SLC3A1: variants seen among roughly 807,000 people sequenced by gnomAD.
The protein encoded by SLC3A1 is solute carrier family 3 member 1.
A neutral mutation model predicts 60.3 loss-of-function variants in SLC3A1; 78 were observed. That is an observed-to-expected ratio of 1.29 (90% CI 1.08 to 1.56). The LOEUF is 1.56. Ranked by LOEUF, SLC3A1 falls within the 40% of genes most tolerant of loss-of-function variation. The probability of loss-of-function intolerance (pLI) is 0.00; values close to 1 mark genes in which losing one functional copy is unlikely to be tolerated. For synonymous variants in SLC3A1, 392 were observed against 307.9 expected (o/e 1.27, Z -2.86); for missense variants, 1,172 against 858.9 (o/e 1.36, Z -4.56).
At chr2:44,311,109 CT>C (rs1018214285) in intron 7 of SLC3A1, among the ~76,000 whole-genome samples, 3 of 152,112 alleles carry the variant, frequency 2.0e-5, no homozygotes, top group African/African-American at 7.2e-5. Flanking sequence ...TCTTCTTTTT[CT>C]TTCTGGTTCT....
chr2:44,308,855 C>T (rs562926856), intron 7 of SLC3A1, among the ~76,000 whole-genome samples: 1 of 152,080 alleles, frequency 6.6e-6, no homozygotes, highest in East Asian at 1.9e-4. Flanking sequence ...GTATCAGCCT[C>T]CCAAATAGCT....
At chr2:44,297,465 G>A (rs2104358438) in intron 4 of SLC3A1, among the ~76,000 whole-genome samples, 1 of 152,270 alleles carries the variant, frequency 6.6e-6, no homozygotes, top group Non-Finnish European at 1.5e-5. Context: ...TCTAGGTCAA[G>A]TTCAAGCTCT....
At chr2:44,321,527 T>A (rs969356463), downstream of SLC3A1, 6 of 1,547,692 alleles carry the variant, frequency 3.9e-6, no homozygotes, top group African/African-American at 8.3e-5. Context: ...TATCTATCCA[T>A]CTTTACCTAA....
At chr2:44,286,241 T>C (rs1671610327) in intron 4 of SLC3A1, 84 bp downstream of exon 4, 3 of 1,325,346 alleles carry the variant, frequency 2.3e-6, no homozygotes, top group African/African-American at 1.4e-5. Flanking sequence ...ACAGTAATTG[T>C]GTAGGCAAAA....
rs139585229 is a variant in SLC3A1 at position 44,299,582 on chromosome 2, T to C, written c.892-389T>C. Among the ~76,000 whole-genome samples, 23 of 152,342 alleles carry C rather than the reference T, an allele frequency of 1.5e-4. 1 individual carries two copies. The East Asian group carries it at 2.9e-3, about 19-fold the overall frequency. ...GAACAATGTGTTATTTTCTTTGAGT[T>C]TGCAGTGACAGTTAAGGAGTTGGGC... On this transcript the variant is annotated intron_variant, in intron 4 of 9. Coordinates refer to ENST00000260649, the MANE Select transcript of SLC3A1 (RefSeq NM_000341.4).
At chr2:44,300,485 T>C (rs1022959436) in intron 5 of SLC3A1, among the ~76,000 whole-genome samples, 1 of 152,140 alleles carries the variant, frequency 6.6e-6, no homozygotes, top group Non-Finnish European at 1.5e-5. Flanking sequence ...ATTGTCATCC[T>C]AGAAAGACAT....
At chr2:44,311,188 C>T (rs941400739) in intron 7 of SLC3A1, among the ~76,000 whole-genome samples, 1 of 152,150 alleles carries the variant, frequency 6.6e-6, no homozygotes, top group African/African-American at 2.4e-5. Context: ...TTTGTCAAGT[C>T]CCTCTAGTAA....
At chr2:44,299,719 C>G (rs939755792) in intron 4 of SLC3A1, among the ~76,000 whole-genome samples, 9 of 152,138 alleles carry the variant, frequency 5.9e-5, no homozygotes, top group Admixed American at 2.6e-4. Context: ...CTTATAACAT[C>G]CATTACAAAT....
intron 9 of SLC3A1, chr2:44,318,073 A>C (rs1339142538): frequency 2.3e-6 from 1 of 442,382 alleles, no homozygotes; most frequent in Non-Finnish European, 4.5e-6. Flanking sequence ...GTGCACAATA[A>C]TACTTAAAGG....
chr2:44,313,803 C>G (rs1189172373), intron 8 of SLC3A1, 32 bp from the exon 9 acceptor site: 10 of 1,510,782 alleles, frequency 6.6e-6, no homozygotes, highest in Non-Finnish European at 8.3e-6. Flanking sequence ...ATAACCAAAC[C>G]ACTGTTTTCC....
At position 44,320,181 on chromosome 2, in the gene SLC3A1, ACT is replaced by A; in HGVS notation, c.1618-17_1618-16del. 1 of 1,592,296 alleles carries A rather than the reference ACT, an allele frequency of 6.3e-7. No individual in the cohort carries two copies. Among genetic ancestry groups the A allele is most frequent in the African/African-American group, 1.3e-5 (1 of 74,530 alleles). ...CTTAGAATCAAACACTTACGTAAAT[ACT>A]TTTTTAAAAAAATAGGTCCAAAAGA... On this transcript the variant is annotated splice_polypyrimidine_tract_variant and intron_variant, in intron 9 of 9. Transcript: ENST00000260649.
chr2:44,315,835 T>A (rs1672424898), intron 9 of SLC3A1, among the ~76,000 whole-genome samples: 1 of 151,968 alleles, frequency 6.6e-6, no homozygotes, highest in African/African-American at 2.4e-5. Context: ...CATGGCAGAA[T>A]TAGTAGAACA....
intron 1 of SLC3A1, among the ~76,000 whole-genome samples, chr2:44,276,854 T>C (rs1671354981): frequency 6.6e-6 from 1 of 152,178 alleles, no homozygotes. Context: ...TGGGAACTTC[T>C]GAGCAAATTG....
At chr2:44,278,389 A>C (rs552971260) in intron 1 of SLC3A1, among the ~76,000 whole-genome samples, 1 of 152,128 alleles carries the variant, frequency 6.6e-6, no homozygotes, top group African/African-American at 2.4e-5. Flanking sequence ...CGGAGGTTGC[A>C]GTGAGCTAAG....
intron 4 of SLC3A1, among the ~76,000 whole-genome samples, chr2:44,291,251 T>A (rs750571357): frequency 6.6e-6 from 1 of 152,184 alleles, no homozygotes; most frequent in Admixed American, 6.5e-5. Context: ...AACCAGCTGG[T>A]TTACAGTTGG....
intron 6 of SLC3A1, 103 bp downstream of exon 6, chr2:44,301,230 C>T: frequency 7.1e-7 from 1 of 1,404,122 alleles, no homozygotes; most frequent in Non-Finnish European, 1.0e-6. Flanking sequence ...AATAATGTAA[C>T]AAGCCTGCAT....
At chr2:44,299,229 G>C (rs1254208244) in intron 4 of SLC3A1, among the ~76,000 whole-genome samples, 2 of 151,880 alleles carry the variant, frequency 1.3e-5, no homozygotes, top group African/African-American at 2.4e-5. Flanking sequence ...AGTAGAGACA[G>C]GGTTTCATCA....
At chr2:44,313,282 T>G (rs1333912629) in intron 8 of SLC3A1, among the ~76,000 whole-genome samples, 2 of 152,236 alleles carry the variant, frequency 1.3e-5, no homozygotes, top group Non-Finnish European at 2.9e-5. Flanking sequence ...AGAATTGTGT[T>G]GCTGGGTAGA....
Position 44,321,275 on chromosome 2 carries a change from ATT to A in SLC3A1, c.*645_*646del. 3 of 1,092,998 alleles carry A rather than the reference ATT, an allele frequency of 2.7e-6. No homozygotes were observed. Among genetic ancestry groups the A allele is most frequent in the Non-Finnish European group, 3.9e-6 (3 of 769,520 alleles). 67.7% of individuals were successfully genotyped at this position (1,092,998 alleles called of 1,614,324 possible). A position where few individuals can be genotyped will look rare whatever the true frequency, so the allele number is the denominator to read the frequency against. On this transcript the variant is annotated 3_prime_UTR_variant, in exon 10 of 10. Transcript: ENST00000260649. ...ATAACTTAAAAGTCTCAAGTTATTA[ATT>A]TTTTTTTTGCTAACTCAATTGGAAG...
Sources: gnomAD v4.1 joint callset for allele counts (sites outside exome capture counted in the v4.1 genomes callset) on GRCh38, gnomAD v4.1.1 for gene constraint, MANE v1.5 for transcripts, NCBI Gene and HGNC (gene_info 2026-07-23, HGNC 2026-07-21) for gene names.